The following GAS2 variants were observed in gnomAD, a reference collection of about 807,000 sequenced individuals.
The protein encoded by GAS2 is growth arrest-specific protein 2.
In GAS2, 20 loss-of-function variants were observed where a neutral mutation model predicts 37.5. That is an observed-to-expected ratio of 0.53 (90% CI 0.37 to 0.77). The LOEUF (loss-of-function observed/expected upper bound fraction) is 0.77. GAS2 is among the 30% of genes least tolerant of loss of function. The probability of loss-of-function intolerance (pLI) is 0.00; values close to 1 mark genes in which losing one functional copy is unlikely to be tolerated. For missense variants in GAS2, 336 were observed against 373.4 expected, an observed-to-expected ratio of 0.90 and a Z score of 0.82; for synonymous variants, 144 against 132.2, an observed-to-expected ratio of 1.09 and a Z score of -0.61.
At chr11:22,644,504 A>G (rs1480803248) in intron 1 of GAS2, among the ~76,000 whole-genome samples, 2 of 152,218 alleles carry the variant, frequency 1.3e-5, no homozygotes, top group African/African-American at 4.8e-5. Flanking sequence ...AGTCAAAACT[A>G]CTATAGCTTA....
chr11:22,720,819 T>C (rs140893858), intron 3 of GAS2, among the ~76,000 whole-genome samples: 10 of 152,162 alleles, frequency 6.6e-5, no homozygotes, highest in Non-Finnish European at 1.0e-4. Flanking sequence ...AGTATTAAAT[T>C]TTCAGTTCGC....
Position 22,649,280 on chromosome 11 carries a change from G to T in GAS2, c.-21+23467G>T, listed in dbSNP as rs56152051. 4.1e-3 allele frequency among the ~76,000 whole-genome samples: 631 copies of T among 152,196 alleles called. 5 individuals carry two copies. Among genetic ancestry groups the T allele is most frequent in the African/African-American group, 0.014 (571 of 41,522 alleles). ...CAGAGATGAAACCCACTTGATCATG[G>T]TGGATAAGCTTTTTGATGTGCTGCT... On this transcript the variant is annotated intron_variant, in intron 1 of 5. Coordinates refer to the GAS2 transcript ENST00000528582.
At chr11:22,702,056 A>G (rs908098723) in intron 3 of GAS2, among the ~76,000 whole-genome samples, 1 of 152,176 alleles carries the variant, frequency 6.6e-6, no homozygotes, top group Admixed American at 6.5e-5. Context: ...CTGCCATATA[A>G]TATAAATACA....
upstream of GAS2, among the ~76,000 whole-genome samples, chr11:22,663,104 GAA>G (rs569120667): frequency 4.9e-4 from 74 of 152,196 alleles, no homozygotes; most frequent in Non-Finnish European, 8.8e-5. Context: ...AGGAGAGAGA[GAA>G]AGAGAGAGGG....
intron 3 of GAS2, among the ~76,000 whole-genome samples, chr11:22,693,215 C>T (rs980876927): frequency 8.5e-5 from 13 of 152,112 alleles, no homozygotes; most frequent in Admixed American, 2.0e-4. Flanking sequence ...AGTAAGAATT[C>T]TGTTGTTACT....
At chr11:22,642,262 T>C (rs137904561) in intron 1 of GAS2, among the ~76,000 whole-genome samples, 129 of 152,230 alleles carry the variant, frequency 8.5e-4, no homozygotes, top group Middle Eastern at 6.8e-3. Flanking sequence ...AGAGGAAATA[T>C]TAGGAAGTCT....
At chr11:22,750,466 T>TA (rs1461921525) in intron 6 of GAS2, among the ~76,000 whole-genome samples, 2 of 152,082 alleles carry the variant, frequency 1.3e-5, no homozygotes, top group African/African-American at 2.4e-5. Context: ...CTTAAAGGTA[T>TA]CTTAGCTAGT....
chr11:22,695,730 T>C (rs1228479582), intron 3 of GAS2, among the ~76,000 whole-genome samples: 2 of 152,168 alleles, frequency 1.3e-5, no homozygotes, highest in African/African-American at 4.8e-5. Context: ...AGTTGGTAGA[T>C]TTCTCTAAAT....
intron 4 of GAS2, 24 bp from the exon 5 acceptor site, chr11:22,737,681 G>T: frequency 6.2e-7 from 1 of 1,612,464 alleles, no homozygotes; most frequent in Non-Finnish European, 8.5e-7. Flanking sequence ...TTGTAAAGGT[G>T]TTCGCCTCTG....
chr11:22,780,629 AAAG>A (rs1003053514), intron 7 of GAS2, among the ~76,000 whole-genome samples: 24 of 151,598 alleles, frequency 1.6e-4, no homozygotes, highest in African/African-American at 5.8e-4. Flanking sequence ...GTAGTTACTT[AAAG>A]AAGGTAAAAG....
intron 7 of GAS2, among the ~76,000 whole-genome samples, chr11:22,778,576 G>A (rs977582298): frequency 3.3e-5 from 5 of 152,222 alleles, no homozygotes; most frequent in Non-Finnish European, 5.9e-5. Context: ...TGCGAAGAGC[G>A]GGAAAAGCAG....
intron 7 of GAS2, among the ~76,000 whole-genome samples, chr11:22,783,540 G>A (rs1237605218): frequency 3.3e-5 from 5 of 152,126 alleles, no homozygotes; most frequent in African/African-American, 1.2e-4. Flanking sequence ...CTTGCCATAT[G>A]CTTTTCGTTC....
chr11:22,728,074 G>A (rs74412009), intron 4 of GAS2, among the ~76,000 whole-genome samples: 2,969 of 152,048 alleles, frequency 0.02, 104 homozygotes, highest in African/African-American at 0.068. Context: ...GGAAACTATC[G>A]TTAATTTGCT....
chr11:22,653,035 C>CTTTCTTTCTTTCTTTCTTTCTT (rs562393334), intron 1 of GAS2, among the ~76,000 whole-genome samples: 4 of 7,666 alleles, frequency 5.2e-4, no homozygotes, highest in East Asian at 4.4e-3. Context: ...TTCTTTCTTT[C>CTTTCTTTCTTTCTTTCTTTCTT]TCTTTCTTTC....
chr11:22,672,324 A>C (rs1247943697), intron 1 of GAS2, among the ~76,000 whole-genome samples: 1 of 152,180 alleles, frequency 6.6e-6, no homozygotes, highest in Non-Finnish European at 1.5e-5. Flanking sequence ...CTTTTCTGGC[A>C]AAACACAGGA....
At chr11:22,696,689 G>C (rs1481558702) in intron 3 of GAS2, among the ~76,000 whole-genome samples, 1 of 150,436 alleles carries the variant, frequency 6.6e-6, no homozygotes, top group Non-Finnish European at 1.5e-5. Flanking sequence ...TTCTCTGATG[G>C]CCAGTGATGA....
At chr11:22,682,296 T>C (rs1013860553) in intron 2 of GAS2, among the ~76,000 whole-genome samples, 4 of 62,638 alleles carry the variant, frequency 6.4e-5, no homozygotes, top group East Asian at 5.6e-4. Context: ...ATGAAAGCCA[T>C]TTTTTTCTTT....
Position 22,755,893 on chromosome 11 carries a change from C to G in GAS2, c.663C>G (p.Phe221Leu). Residue 221 changes from phenylalanine (F) to leucine (L), a missense_variant, in exon 7 of 8, where the codon TTC becomes TTG. Coordinates refer to ENST00000454584, the MANE Select transcript of GAS2 (RefSeq NM_001143830.3). ...CTCCTTGCAAATGCCCAAACAAGTTCTGTGTGGAGCGGCTCTCCCAAGGAA... is the reference window on the plus strand; with the variant it reads ...CTCCTTGCAAATGCCCAAACAAGTTGTGTGTGGAGCGGCTCTCCCAAGGAA... ...EDPPCKCPNK[F>L]CVERLSQGRY... The G allele has an allele frequency of 6.2e-7, 1 of 1,613,082 alleles. No homozygotes were observed. Among genetic ancestry groups the G allele is most frequent in the South Asian group, 1.1e-5 (1 of 91,036 alleles).
intron 3 of GAS2, among the ~76,000 whole-genome samples, chr11:22,706,290 C>T (rs931275497): frequency 6.6e-6 from 1 of 151,486 alleles, no homozygotes; most frequent in African/African-American, 2.4e-5. Flanking sequence ...ACCACTTATC[C>T]TAGGGTAGTG....
Sources: allele counts gnomAD v4.1 joint callset (sites outside exome capture counted in the v4.1 genomes callset), GRCh38; gene constraint gnomAD v4.1.1; transcripts MANE v1.5; gene names NCBI Gene and HGNC (gene_info 2026-07-23, HGNC 2026-07-21).